CAST: variants seen among roughly 807,000 people sequenced by gnomAD.
The protein encoded by CAST is calpastatin, also known as MIR583 host.
Under a neutral mutation model 119.6 loss-of-function variants are expected in CAST, and 76 were observed. The observed-to-expected ratio is 0.64, with a 90% confidence interval of 0.53 to 0.77. The LOEUF (loss-of-function observed/expected upper bound fraction) is 0.77, where lower values mean the gene tolerates loss of function less well. Ranked by LOEUF, CAST falls within the 30% of genes least tolerant of loss-of-function variation. The pLI, the probability that CAST is intolerant of heterozygous loss-of-function variation, is 0.00. For missense variants in CAST, 953 were observed against 946.5 expected (o/e 1.01, Z -0.09); for synonymous variants, 319 against 331.6 (o/e 0.96, Z 0.41).
At chr5:96,491,485 C>T in the CAST span, among the ~76,000 whole-genome samples, 5 of 32,624 alleles carry the variant, frequency 1.5e-4, no homozygotes, top group African/African-American at 3.8e-4. Flanking sequence ...AGCGAGACTC[C>T]ATCTCAAAAA....
intron 1 of CAST, among the ~76,000 whole-genome samples, chr5:96,578,368 CTG>C (rs1035993215): frequency 5.3e-5 from 8 of 150,660 alleles, no homozygotes; most frequent in African/African-American, 1.9e-4. Flanking sequence ...ATATGCTCAA[CTG>C]TATGCGGTCC....
At chr5:96,518,055 A>C in the CAST span, among the ~76,000 whole-genome samples, 6 of 152,260 alleles carry the variant, frequency 3.9e-5, no homozygotes, top group Non-Finnish European at 8.8e-5. Context: ...CCAGGATTCA[A>C]ATCAGGTAGT....
intron 1 of CAST, among the ~76,000 whole-genome samples, chr5:96,605,319 C>A (rs1747233068): frequency 6.6e-6 from 1 of 152,150 alleles, no homozygotes; most frequent in Non-Finnish European, 1.5e-5. Flanking sequence ...AGCTTCATGA[C>A]AACTGATCTA....
At chr5:96,289,892 C>G in the CAST span, among the ~76,000 whole-genome samples, 2 of 150,976 alleles carry the variant, frequency 1.3e-5, no homozygotes, top group Non-Finnish European at 2.9e-5. Flanking sequence ...TTGATAGAGG[C>G]AAGACTACTA....
At chr5:96,451,473 A>G in the CAST span, among the ~76,000 whole-genome samples, 1 of 152,328 alleles carries the variant, frequency 6.6e-6, no homozygotes, top group South Asian at 2.1e-4. Context: ...CCTTCCTTAC[A>G]ACTTATACAA....
At chr5:96,743,153 A>C (rs761085020) in intron 16 of CAST, among the ~76,000 whole-genome samples, 2 of 152,176 alleles carry the variant, frequency 1.3e-5, no homozygotes, top group Non-Finnish European at 2.9e-5. Flanking sequence ...TCCTTCATTT[A>C]TCACTATGGG....
the CAST span, among the ~76,000 whole-genome samples, chr5:96,471,882 GAC>G: frequency 6.6e-6 from 1 of 151,732 alleles, no homozygotes. Context: ...ATCAGCTAAA[GAC>G]ACATTCAGGC....
At chr5:96,211,436 C>T in the CAST span, among the ~76,000 whole-genome samples, 1 of 151,926 alleles carries the variant, frequency 6.6e-6, no homozygotes, top group Non-Finnish European at 1.5e-5. Context: ...TGGTGGATTA[C>T]ACTGATTGAT....
At chr5:96,384,425 C>A in the CAST span, among the ~76,000 whole-genome samples, 1 of 152,182 alleles carries the variant, frequency 6.6e-6, no homozygotes, top group East Asian at 1.9e-4. Flanking sequence ...CAAATTGGAA[C>A]AATGACCACT....
the CAST span, among the ~76,000 whole-genome samples, chr5:96,287,166 T>C: frequency 6.6e-6 from 1 of 152,128 alleles, no homozygotes; most frequent in Non-Finnish European, 1.5e-5. Flanking sequence ...ACATCTTTTT[T>C]TCATCTGATG....
At chr5:96,665,344 A>G (rs1403881761) in intron 1 of CAST, among the ~76,000 whole-genome samples, 2 of 152,332 alleles carry the variant, frequency 1.3e-5, no homozygotes, top group Non-Finnish European at 2.9e-5. Flanking sequence ...TCATCATGTA[A>G]TCAGTGTATA....
chr5:96,743,827 G>A (rs1763190872), intron 16 of CAST: 1 of 952,622 alleles, frequency 1.0e-6, no homozygotes, highest in Non-Finnish European at 1.6e-6. Flanking sequence ...CAGAAGCAGT[G>A]TCATCTTGAG....
At chr5:96,354,590 G>A in the CAST span, among the ~76,000 whole-genome samples, 1 of 151,232 alleles carries the variant, frequency 6.6e-6, no homozygotes. Flanking sequence ...GATGAAATAT[G>A]GTATTTTCAT....
At chr5:96,616,559 C>T (rs140360463) in intron 1 of CAST, among the ~76,000 whole-genome samples, 1 of 152,238 alleles carries the variant, frequency 6.6e-6, no homozygotes, top group African/African-American at 2.4e-5. Context: ...CCAAGATTCT[C>T]TGAGGTAGGC....
chr5:96,112,702 G>T, the CAST span, among the ~76,000 whole-genome samples: 3 of 152,222 alleles, frequency 2.0e-5, no homozygotes, highest in Non-Finnish European at 4.4e-5. Context: ...AATGGAAAAT[G>T]CATTTAATAC....
the CAST span, among the ~76,000 whole-genome samples, chr5:96,372,242 A>G: frequency 4.6e-5 from 7 of 152,298 alleles, no homozygotes; most frequent in African/African-American, 1.7e-4. Flanking sequence ...TCCTTGCTAT[A>G]TACCTCACCC....
At chr5:96,542,788 AG>A (rs1330274474) in intron 1 of CAST, among the ~76,000 whole-genome samples, 4 of 152,232 alleles carry the variant, frequency 2.6e-5, no homozygotes, top group Admixed American at 6.5e-5. Flanking sequence ...TACGAAAAAA[AG>A]CTCATTATCA....
chr5:96,376,516 C>A, the CAST span, among the ~76,000 whole-genome samples: 4 of 151,824 alleles, frequency 2.6e-5, no homozygotes, highest in Admixed American at 6.6e-5. Flanking sequence ...TCTCAGCTTA[C>A]TACAACCTCT....
At chr5:96,159,493 A>G in the CAST span, among the ~76,000 whole-genome samples, 1 of 152,182 alleles carries the variant, frequency 6.6e-6, no homozygotes, top group Non-Finnish European at 1.5e-5. Flanking sequence ...AAAGCTAGTA[A>G]CTTCCCTTCA....
Sources: allele counts gnomAD v4.1 joint callset (sites outside exome capture counted in the v4.1 genomes callset), GRCh38; gene constraint gnomAD v4.1.1; transcripts MANE v1.5; gene names NCBI Gene and HGNC (gene_info 2026-07-23, HGNC 2026-07-21).